The following KDM4C variants were observed in gnomAD, a reference collection of about 807,000 sequenced individuals.
The protein encoded by KDM4C is lysine demethylase 4C.
Under a neutral mutation model 129.3 loss-of-function variants are expected in KDM4C, and 81 were observed. The ratio of observed to expected loss-of-function variants is 0.63; its 90% CI spans 0.52 to 0.75. The LOEUF is 0.75. Among genes scored for constraint, KDM4C ranks in the 30% least tolerant of loss-of-function variants. The probability of loss-of-function intolerance (pLI) is 0.00; values close to 1 mark genes in which losing one functional copy is unlikely to be tolerated. For missense variants in KDM4C, 1,457 were observed against 1,304.0 expected (o/e 1.12, Z -1.81); for synonymous variants, 573 against 456.1 (o/e 1.26, Z -3.26).
chr9:7,048,717 A>G (rs763404801), intron 16 of KDM4C, among the ~76,000 whole-genome samples: 1 of 152,154 alleles, frequency 6.6e-6, no homozygotes, highest in Non-Finnish European at 1.5e-5. Flanking sequence ...TATTAATTGA[A>G]CTAATCTTTT....
At chr9:7,095,090 C>G (rs1198464093) in intron 17 of KDM4C, among the ~76,000 whole-genome samples, 2 of 152,234 alleles carry the variant, frequency 1.3e-5, no homozygotes, top group Admixed American at 6.5e-5. Context: ...TTCATCTAAA[C>G]TGTTAAAAAA....
At chr9:6,796,271 C>T (rs932949219) in intron 2 of KDM4C, among the ~76,000 whole-genome samples, 139 of 152,188 alleles carry the variant, frequency 9.1e-4, no homozygotes, top group African/African-American at 3.3e-3. Flanking sequence ...ATGGTGAAAC[C>T]CCATCTCTAC....
intron 8 of KDM4C, among the ~76,000 whole-genome samples, chr9:6,946,615 G>A (rs575786209): frequency 2.6e-5 from 4 of 152,156 alleles, no homozygotes; most frequent in African/African-American, 9.6e-5. Flanking sequence ...GACTTTTCAA[G>A]GTGTTTGTTT....
intron 15 of KDM4C, among the ~76,000 whole-genome samples, chr9:7,036,990 A>G (rs540408719): frequency 6.6e-6 from 1 of 152,326 alleles, no homozygotes; most frequent in South Asian, 2.1e-4. Flanking sequence ...GACACTTGTC[A>G]TTCAATTATA....
chr9:7,038,559 A>C (rs1439085328), intron 15 of KDM4C, among the ~76,000 whole-genome samples: 1 of 152,116 alleles, frequency 6.6e-6, no homozygotes, highest in African/African-American at 2.4e-5. Context: ...CATTACAAAT[A>C]AAATTTTGGC....
chr9:6,996,483 T>G (rs1376518432), intron 12 of KDM4C, among the ~76,000 whole-genome samples: 1 of 152,250 alleles, frequency 6.6e-6, no homozygotes, highest in East Asian at 1.9e-4. Flanking sequence ...AATAAAAAAT[T>G]TCCAGCTTTT....
intron 15 of KDM4C, among the ~76,000 whole-genome samples, chr9:7,017,770 C>T (rs1182128638): frequency 6.6e-6 from 1 of 152,154 alleles, no homozygotes; most frequent in Non-Finnish European, 1.5e-5. Flanking sequence ...GAGAATTACA[C>T]TTCCTTGCAA....
At chr9:7,086,037 A>T (rs1366457446) in intron 17 of KDM4C, among the ~76,000 whole-genome samples, 1 of 152,178 alleles carries the variant, frequency 6.6e-6, no homozygotes, top group East Asian at 1.9e-4. Context: ...ATGCGCCTGT[A>T]GTCCCAGCTA....
chr9:6,721,687 C>T (rs1332311182), intron 1 of KDM4C, among the ~76,000 whole-genome samples: 1 of 151,212 alleles, frequency 6.6e-6, no homozygotes, highest in Admixed American at 6.6e-5. Flanking sequence ...CTCCCGGGTT[C>T]AAGCAATTCT....
intron 18 of KDM4C, among the ~76,000 whole-genome samples, chr9:7,111,879 G>T (rs892064355): frequency 2.0e-5 from 3 of 152,076 alleles, no homozygotes; most frequent in African/African-American, 7.2e-5. Flanking sequence ...GGCTAAACAA[G>T]GATCTGTTTT....
intron 1 of KDM4C, among the ~76,000 whole-genome samples, chr9:6,767,945 T>C (rs1820968489): frequency 6.6e-6 from 1 of 152,128 alleles, no homozygotes; most frequent in Non-Finnish European, 1.5e-5. Flanking sequence ...TTGTATTATA[T>C]ATACACACAT....
intron 14 of KDM4C, among the ~76,000 whole-genome samples, chr9:7,015,326 A>G (rs1823463646): frequency 6.6e-6 from 1 of 152,160 alleles, no homozygotes; most frequent in African/African-American, 2.4e-5. Flanking sequence ...ATTGCTATGT[A>G]TATTTGCATC....
chr9:6,742,714 TGA>T (rs763495428), intron 1 of KDM4C, among the ~76,000 whole-genome samples: 35 of 151,854 alleles, frequency 2.3e-4, no homozygotes, highest in Non-Finnish European at 4.4e-4. Context: ...CTCACTCAAT[TGA>T]GTAGGCTGGA....
intron 1 of KDM4C, among the ~76,000 whole-genome samples, chr9:6,778,698 C>T (rs58830599): frequency 1.3e-5 from 2 of 151,738 alleles, no homozygotes; most frequent in African/African-American, 2.4e-5. Flanking sequence ...ACCCAGGAAG[C>T]GGAGGTTGCA....
intron 17 of KDM4C, among the ~76,000 whole-genome samples, chr9:7,079,058 G>A (rs1455043369): frequency 6.6e-6 from 1 of 152,136 alleles, no homozygotes; most frequent in African/African-American, 2.4e-5. Flanking sequence ...AAACCATATT[G>A]TTAGTACATT....
At chr9:6,994,278 T>C (rs1456510918) in intron 12 of KDM4C, among the ~76,000 whole-genome samples, 1 of 152,068 alleles carries the variant, frequency 6.6e-6, no homozygotes, top group African/African-American at 2.4e-5. Context: ...ATCCTGGGAG[T>C]TGGGGACCCC....
intron 2 of KDM4C, among the ~76,000 whole-genome samples, chr9:6,801,833 G>A (rs552526917): frequency 7.9e-5 from 12 of 152,088 alleles, no homozygotes; most frequent in South Asian, 4.1e-4. Flanking sequence ...AGCTGGGCGC[G>A]GTGGCTCATG....
chr9:6,934,279 A>C (rs1233796103), intron 8 of KDM4C, among the ~76,000 whole-genome samples: 1 of 151,736 alleles, frequency 6.6e-6, no homozygotes, highest in Non-Finnish European at 1.5e-5. Flanking sequence ...CAGGAGATTG[A>C]GACTATCCTG....
At chr9:7,070,491 A>G (rs968612371) in intron 17 of KDM4C, among the ~76,000 whole-genome samples, 41 of 152,176 alleles carry the variant, frequency 2.7e-4, no homozygotes, top group African/African-American at 9.9e-4. Flanking sequence ...ATAATAATTA[A>G]CAAACTGAAT....
Sources: allele counts gnomAD v4.1 joint callset (sites outside exome capture counted in the v4.1 genomes callset), GRCh38; gene constraint gnomAD v4.1.1; transcripts MANE v1.5; gene names NCBI Gene and HGNC (gene_info 2026-07-23, HGNC 2026-07-21).